The following TRAF4 variants were observed in gnomAD, a reference collection of about 807,000 sequenced individuals.
TRAF4 encodes the protein TNF receptor-associated factor 4.
Under a neutral mutation model 47.3 loss-of-function variants are expected in TRAF4, and 9 were observed. The ratio of observed to expected loss-of-function variants is 0.19; its 90% CI spans 0.11 to 0.33. The LOEUF is 0.33. Ranked by LOEUF, TRAF4 falls within the 10% of genes least tolerant of loss-of-function variation. The pLI, the probability that TRAF4 is intolerant of heterozygous loss-of-function variation, is 1.00. For synonymous variants in TRAF4, 236 were observed against 236.9 expected (o/e 1.00, Z 0.04); for missense variants, 448 against 620.3 (o/e 0.72, Z 2.95).
rs548558916 is a variant in TRAF4, at chr17:28,749,922, T to A, written c.*345T>A. The A allele has an allele frequency of 1.4e-6, 1 of 699,044 alleles. No individual in the cohort carries two copies. Among genetic ancestry groups the A allele is most frequent in the Non-Finnish European group, 2.6e-6 (1 of 383,498 alleles). The allele number at this position is 699,044 out of a possible 1,614,324, so 43.3% of individuals were successfully genotyped here. On this transcript the variant is annotated 3_prime_UTR_variant, in exon 7 of 7. Transcript: ENST00000262395. ...CCCAAGAGCCATAAGGGGGTGGGAA[T>A]TGGGGAGGGAGAAAGGGTAGTTCAA...
chr17:28,744,741 G>A (rs1171342360), intron 1 of TRAF4: 1 of 163,450 alleles, frequency 6.1e-6, no homozygotes, highest in Non-Finnish European at 1.3e-5. Context: ...GACTTGCCCA[G>A]GGTCACATAG....
Position 28,750,222 on chromosome 17 carries a change from G to C in TRAF4, c.*645G>C. The C allele has an allele frequency of 3.0e-6, 1 of 331,120 alleles. No individual in the cohort carries two copies. 20.5% of individuals were successfully genotyped at this position (331,120 alleles called of 1,614,324 possible). On this transcript the variant is annotated 3_prime_UTR_variant, in exon 7 of 7. Transcript: ENST00000262395. ...CAGCTTACCTGCTGGCTCGCCCTCT[G>C]ATGGACGCCGGGAAAACTGCATCGG...
rs2034524392 is a variant in TRAF4, at chr17:28,747,088, T to C, written c.144-125T>C. The stretch of plus-strand genomic sequence containing the variant: ...CCCCTCAGGCCTCTGCTTGCCCTTT[T>C]GTCTCATCTAGGCTGGTTGGGAACC... On this transcript the variant is annotated intron_variant, in intron 1 of 6. Transcript: ENST00000262395. 3.9e-6 allele frequency: 4 copies of C among 1,024,290 alleles called. No individual in the cohort carries two copies. In the East Asian group the frequency reaches 7.7e-5, roughly 20 times the overall value. 63.5% of individuals were successfully genotyped at this position (1,024,290 alleles called of 1,614,324 possible). A position where few individuals can be genotyped will look rare whatever the true frequency, so the allele number is the denominator to read the frequency against.
At chr17:28,747,061 AGCCCCTCAG>A in intron 1 of TRAF4, 143 bp from the exon 2 acceptor site, 2 of 674,560 alleles carry the variant, frequency 3.0e-6, no homozygotes, top group East Asian at 6.1e-5. Context: ...GGGGAAGTAG[AGCCCCTCAG>A]GCCTCTGCTT....
In TRAF4 at chr17:28,748,959, A is replaced by G. The variant is rs968029088; in HGVS notation, c.795A>G (p.Ala265=). The G allele has an allele frequency of 1.2e-6, 2 of 1,611,236 alleles. No homozygotes were observed. Among genetic ancestry groups the G allele is most frequent in the Non-Finnish European group, 1.7e-6 (2 of 1,178,772 alleles). The part of the protein sequence containing the change: ...SGCKHRCPKL[A]MARHVEESVK... The stretch of plus-strand genomic sequence containing the variant: ...TTTGCCAACAGTGCCCTAAGCTGGC[A>G]ATGGCACGGCATGTGGAGGAGAGTG... The change falls in exon 7 of 7, where the codon GCA becomes GCG. Residue 265 remains alanine (A), a synonymous_variant. Transcript: ENST00000262395.
chr17:28,750,554 G>A lies in TRAF4; in HGVS notation c.*977G>A, dbSNP rs191302208. On this transcript the variant is annotated 3_prime_UTR_variant, in exon 7 of 7. Coordinates refer to ENST00000262395, the MANE Select transcript of TRAF4 (RefSeq NM_004295.4). ...TCTTGGCCCAGAGTAAGTGCTTAGT[G>A]AATGCTTTCTAACTCCGAACCCCAG... is the stretch of plus-strand genomic sequence containing the variant. 1 of 152,338 alleles carries A rather than the reference G, an allele frequency of 6.6e-6. No homozygotes were observed. Among genetic ancestry groups the A allele is most frequent in the East Asian group, 1.9e-4 (1 of 5,186 alleles). 9.4% of individuals were successfully genotyped at this position (152,338 alleles called of 1,614,324 possible).
chr17:28,747,660 G>C, intron 2 of TRAF4, 183 bp from the exon 3 acceptor site: 1 of 625,456 alleles, frequency 1.6e-6, no homozygotes, highest in Non-Finnish European at 2.8e-6. Context: ...AGGCATGTTA[G>C]GACCCAGCAT....
intron 6 of TRAF4, 50 bp from the exon 7 acceptor site, chr17:28,748,895 C>T: frequency 6.4e-7 from 1 of 1,563,108 alleles, no homozygotes; most frequent in Non-Finnish European, 8.6e-7. Context: ...GGACCTCCCC[C>T]TACTGATAAC....
Position 28,748,110 on chromosome 17 carries a change from C to T in TRAF4, c.394C>T (p.His132Tyr), listed in dbSNP as rs376103008. ...SRRDLPAHLQHDCPKRRLKCE... is the reference protein window; with the variant it reads ...SRRDLPAHLQYDCPKRRLKCE... ...CCGTGATCTACCTGCACACTTGCAGCATGACTGCCCCAAGCGGCGCCTCAA... is the reference window on the plus strand; with the variant it reads ...CCGTGATCTACCTGCACACTTGCAGTATGACTGCCCCAAGCGGCGCCTCAA... The change falls in exon 4 of 7, where the codon CAT (histidine) becomes TAT (tyrosine). Residue 132 changes from histidine (H) to tyrosine (Y), a missense_variant. By Grantham distance (83) the His-to-Tyr change is moderately conservative (BLOSUM62 2). Transcript: ENST00000262395. 6.2e-7 allele frequency: 1 copy of T among 1,613,960 alleles called. No homozygotes were observed. Among genetic ancestry groups the T allele is most frequent in the African/African-American group, 1.3e-5 (1 of 74,936 alleles).
chr17:28,745,947 TC>T (rs893251206), intron 1 of TRAF4, among the ~76,000 whole-genome samples: 64 of 152,234 alleles, frequency 4.2e-4, no homozygotes, highest in African/African-American at 1.5e-3. Flanking sequence ...CACCCCTCTT[TC>T]CCCACTCCTG....
chr17:28,749,674 C>T lies in TRAF4; in HGVS notation c.*97C>T, dbSNP rs1472940018. The T allele has an allele frequency of 1.8e-5, 28 of 1,564,986 alleles. No individual in the cohort carries two copies. The highest frequency in any genetic ancestry group is 2.4e-5 in the Non-Finnish European group (28 of 1,154,940). On this transcript the variant is annotated 3_prime_UTR_variant, in exon 7 of 7. Coordinates refer to ENST00000262395, the MANE Select transcript of TRAF4 (RefSeq NM_004295.4). Reference sequence around the variant, plus strand: ...GGGGCCGGACCCCCGTCAGCTGCTTCTGCTGCCTAGGTTCTGTTACCCCAT... The same window carrying T: ...GGGGCCGGACCCCCGTCAGCTGCTTTTGCTGCCTAGGTTCTGTTACCCCAT...
intron 6 of TRAF4, 73 bp from the exon 7 acceptor site, chr17:28,748,872 C>T: frequency 6.6e-7 from 1 of 1,526,338 alleles, no homozygotes; most frequent in Non-Finnish European, 8.8e-7. Flanking sequence ...GTACCCACTC[C>T]TCTCCTCTCC....
In TRAF4 at chr17:28,749,597, G is replaced by A. The variant is rs1480279990; in HGVS notation, c.*20G>A. On this transcript the variant is annotated 3_prime_UTR_variant, in exon 7 of 7. Coordinates refer to ENST00000262395, the MANE Select transcript of TRAF4 (RefSeq NM_004295.4). ...AGCTGAGTGCAGGTGGGGTTCGAGG[G>A]GAAAGGACGATGGGGCATGACCTCA... 1 of 1,600,664 alleles carries A rather than the reference G, an allele frequency of 6.2e-7. No homozygotes were observed. Among genetic ancestry groups the A allele is most frequent in the Non-Finnish European group, 8.5e-7 (1 of 1,172,838 alleles).
In TRAF4 at chr17:28,747,206, A is replaced by C. The variant is rs768222795; in HGVS notation, c.144-7A>C. On this transcript the variant is annotated splice_polypyrimidine_tract_variant and splice_region_variant and intron_variant, in intron 1 of 6. Transcript: ENST00000262395. ...GAAACCTTTTTCCTGCCCCTCCCCC[A>C]TTTCAGTGAAGGAGTCTTCAAGTGC... is the stretch of plus-strand genomic sequence containing the variant. 2 of 1,613,172 alleles carry C rather than the reference A, an allele frequency of 1.2e-6. No homozygotes were observed. The highest frequency in any genetic ancestry group is 1.7e-6 in the Non-Finnish European group (2 of 1,179,596).
At chr17:28,745,993 G>A (rs1206305594) in intron 1 of TRAF4, among the ~76,000 whole-genome samples, 1 of 152,264 alleles carries the variant, frequency 6.6e-6, no homozygotes, top group African/African-American at 2.4e-5. Context: ...AAGGCTGGTT[G>A]CCCTGTGGGC....
Position 28,750,356 on chromosome 17 carries a change from T to C in TRAF4, c.*779T>C, listed in dbSNP as rs1032275939. ...GAGTCCCTGGTCAGCCCCACCAGAT[T>C]AGTGCTTCTACCCTAGGCAGGGCTT... On this transcript the variant is annotated 3_prime_UTR_variant, in exon 7 of 7. Transcript: ENST00000262395. 1 of 164,712 alleles carries C rather than the reference T, an allele frequency of 6.1e-6. No homozygotes were observed. The highest frequency in any genetic ancestry group is 2.4e-5 in the African/African-American group (1 of 41,760). The allele number at this position is 164,712 out of a possible 1,614,324, so 10.2% of individuals were successfully genotyped here.
intron 6 of TRAF4, 22 bp downstream of exon 6, chr17:28,748,688 C>T: frequency 6.2e-7 from 1 of 1,604,608 alleles, no homozygotes; most frequent in Non-Finnish European, 8.5e-7. Flanking sequence ...CTTTTCCTGT[C>T]AGCCCCCTTT....
chr17:28,749,123 G>A lies in TRAF4; in HGVS notation c.959G>A (p.Arg320Gln), dbSNP rs752718564. The A allele has an allele frequency of 5.0e-6, 8 of 1,614,088 alleles. No homozygotes were observed. The highest frequency in any genetic ancestry group is 6.8e-6 in the Non-Finnish European group (8 of 1,180,052). Residue 320 changes from arginine to glutamine, a missense_variant, in exon 7 of 7, where the codon CGG becomes CAG. Transcript: ENST00000262395. ...LIWKIGSYGR[R>Q]LQEAKAKPNL... is the part of the protein sequence containing the mutation. ...TGGAAGATTGGCAGCTATGGACGGC[G>A]GCTACAGGAGGCCAAGGCCAAGCCC...
At position 28,744,047 on chromosome 17, in the gene TRAF4, C is replaced by T. The variant is rs1192903643; in HGVS notation, c.-66C>T. On this transcript the variant is annotated 5_prime_UTR_variant, in exon 1 of 7. Transcript: ENST00000262395. ...CCCGGAGCCGGGAGCGCCGCTCCAGCGAGGCGCGGGCTGTGGGGCCGCCGC... is the reference window on the plus strand; with the variant it reads ...CCCGGAGCCGGGAGCGCCGCTCCAGTGAGGCGCGGGCTGTGGGGCCGCCGC... 2 of 1,101,656 alleles carry T rather than the reference C, an allele frequency of 1.8e-6. No individual in the cohort carries two copies. Among genetic ancestry groups the T allele is most frequent in the Non-Finnish European group, 2.2e-6 (2 of 907,070 alleles). 68.2% of individuals were successfully genotyped at this position (1,101,656 alleles called of 1,614,324 possible).
Sources: gnomAD v4.1 joint callset for allele counts (sites outside exome capture counted in the v4.1 genomes callset) on GRCh38, gnomAD v4.1.1 for gene constraint, MANE v1.5 for transcripts, NCBI Gene and HGNC (gene_info 2026-07-23, HGNC 2026-07-21) for gene names.